CTSL: variants seen among roughly 807,000 people sequenced by gnomAD.
CTSL encodes the protein cathepsin L.
A neutral mutation model predicts 34.7 loss-of-function variants in CTSL; 23 were observed. That is an observed-to-expected ratio of 0.66 (90% CI 0.48 to 0.94). CTSL has a LOEUF of 0.94. Among genes scored for constraint, CTSL ranks in the 40% least tolerant of loss-of-function variants. The pLI, the probability that CTSL is intolerant of heterozygous loss-of-function variation, is 0.00. For synonymous variants in CTSL, 129 were observed against 136.7 expected (o/e 0.94, Z 0.39); for missense variants, 361 against 406.3 (o/e 0.89, Z 0.96).
rs1357952599 is a variant in CTSL, at chr9:87,728,799, A to G, written c.611A>G (p.Tyr204Cys). ...CTGGACTCTGAGGAATCCTATCCATATGAGGCAACAGTAAGTGGAGCTCCT... is the reference window on the plus strand; with the variant it reads ...CTGGACTCTGAGGAATCCTATCCATGTGAGGCAACAGTAAGTGGAGCTCCT... ...GGLDSEESYP[Y>C]EATEESCKYN... Residue 204 changes from tyrosine (Y) to cysteine (C), a missense_variant, in exon 5 of 8, where the codon TAT becomes TGT. Coordinates refer to ENST00000343150, the MANE Select transcript of CTSL (RefSeq NM_001912.5). 2 of 1,614,238 alleles carry G rather than the reference A, an allele frequency of 1.2e-6. No homozygotes were observed. Among genetic ancestry groups the G allele is most frequent in the Admixed American group, 1.7e-5 (1 of 60,034 alleles).
intron 4 of CTSL, 78 bp from the exon 5 acceptor site, chr9:87,728,507 A>T (rs1826126123): frequency 6.4e-7 from 1 of 1,571,392 alleles, no homozygotes; most frequent in Non-Finnish European, 8.6e-7. Flanking sequence ...TTTTAACAGT[A>T]TTCAGATGTG....
intron 6 of CTSL, among the ~76,000 whole-genome samples, chr9:87,730,121 A>G (rs1195580314): frequency 6.6e-6 from 1 of 152,180 alleles, no homozygotes; most frequent in Non-Finnish European, 1.5e-5. Flanking sequence ...ATCCTAGAGT[A>G]GAATTACAAG....
chr9:87,729,108 G>T (rs1366429918), intron 5 of CTSL: 1 of 644,758 alleles, frequency 1.6e-6, no homozygotes, highest in Non-Finnish European at 2.5e-6. Flanking sequence ...CTTGAGTGTG[G>T]GAGGTGGTTG....
intron 1 of CTSL, 68 bp downstream of exon 1, chr9:87,726,466 C>G (rs1483341896): frequency 6.6e-6 from 1 of 152,366 alleles, no homozygotes; most frequent in Non-Finnish European, 1.5e-5. Context: ...GCTCAGTCCC[C>G]GCACGCCAGA....
intron 7 of CTSL, among the ~76,000 whole-genome samples, 195 bp downstream of exon 7, chr9:87,730,693 A>C (rs3128510): frequency 0.45 from 68,099 of 152,112 alleles, 15,372 homozygotes; most frequent in Middle Eastern, 0.63. Flanking sequence ...TGAATATAGT[A>C]TTTGTTCCAT....
Position 87,731,256 on chromosome 9 carries a change from ACT to A in CTSL, c.*150_*151del. ...GATTTGAATTCTGTGATATTTTCAC[ACT>A]GGTAAATGTTACCTCTATTTTAATT... On this transcript the variant is annotated 3_prime_UTR_variant, in exon 8 of 8. Transcript: ENST00000343150. 1.8e-6 allele frequency: 1 copy of A among 541,012 alleles called. No homozygotes were observed. The highest frequency in any genetic ancestry group is 3.3e-6 in the Non-Finnish European group (1 of 301,242). 33.5% of individuals were successfully genotyped at this position (541,012 alleles called of 1,614,324 possible).
chr9:87,729,738 A>C lies in CTSL; in HGVS notation c.784+3A>C, dbSNP rs757494990. ...GTCCTTCCTGTTCTATAAAGAAGGT[A>C]AGCATATTTTTCTTTGTAGAAATTG... On this transcript the variant is annotated splice_donor_region_variant and intron_variant, in intron 6 of 7. Coordinates refer to ENST00000343150, the MANE Select transcript of CTSL (RefSeq NM_001912.5). 1 of 1,593,692 alleles carries C rather than the reference A, an allele frequency of 6.3e-7. No individual in the cohort carries two copies. Among genetic ancestry groups the C allele is most frequent in the Admixed American group, 1.8e-5 (1 of 54,994 alleles).
chr9:87,728,331 T>C lies in CTSL; in HGVS notation c.331T>C (p.Phe111Leu). 6.2e-7 allele frequency: 1 copy of C among 1,614,142 alleles called. No individual in the cohort carries two copies. Among genetic ancestry groups the C allele is most frequent in the Non-Finnish European group, 8.5e-7 (1 of 1,180,024 alleles). The part of the protein sequence containing the change: ...RKGKVFQEPL[F>L]YEAPRSVDWR... The stretch of plus-strand genomic sequence containing the variant: ...GGGGAAAGTGTTCCAGGAACCTCTG[T>C]TTTATGAGGCCCCCAGATCTGTGGA... Residue 111 changes from phenylalanine (F) to leucine (L), a missense_variant, in exon 4 of 8, where the codon TTT becomes CTT. Phe to Leu is a conservative substitution (Grantham distance 22, BLOSUM62 0). Coordinates refer to ENST00000343150, the MANE Select transcript of CTSL (RefSeq NM_001912.5).
intron 7 of CTSL, 38 bp from the exon 8 acceptor site, chr9:87,730,970 A>G (rs750702772): frequency 1.7e-5 from 27 of 1,574,172 alleles, no homozygotes; most frequent in Non-Finnish European, 2.4e-5. Context: ...TTTGGGCTTT[A>G]TTCTTTCTCT....
At chr9:87,728,536 T>G in intron 4 of CTSL, 49 bp from the exon 5 acceptor site, 1 of 1,588,342 alleles carries the variant, frequency 6.3e-7, no homozygotes, top group South Asian at 1.1e-5. Context: ...TGTCAAAGTC[T>G]TATTATTTTT....
At position 87,729,547 on chromosome 9, in the gene CTSL, C is replaced by CT. The variant is rs574226670; in HGVS notation, c.622-18dup. Reference sequence around the variant, plus strand: ...AGGAGGAGGACAGCAGTAATCAAGTCTTTTTTTTCCCTTTACCTTTGAAAG... The same window carrying CT: ...AGGAGGAGGACAGCAGTAATCAAGTCTTTTTTTTTCCCTTTACCTTTGAAAG... On this transcript the variant is annotated intron_variant, in intron 5 of 7. Transcript: ENST00000343150. 2.2e-4 allele frequency: 358 copies of CT among 1,606,598 alleles called. No individual in the cohort carries two copies. The African/African-American group carries it at 4.2e-3, about 19-fold the overall frequency.
At chr9:87,727,465 T>C (rs1826062651) in intron 1 of CTSL, 129 bp from the exon 2 acceptor site, 2 of 1,008,584 alleles carry the variant, frequency 2.0e-6, no homozygotes, top group Non-Finnish European at 1.4e-6. Flanking sequence ...TCCACAGTCC[T>C]TGGGTAAATG....
rs571538181 is a variant in CTSL, at chr9:87,730,590, C to T, written c.902+92C>T. On this transcript the variant is annotated intron_variant, in intron 7 of 7. Coordinates refer to ENST00000343150, the MANE Select transcript of CTSL (RefSeq NM_001912.5). ...GGATACAGTTCCACATGCCCTTAGG[C>T]ATACTTCTGAAATCCCCAGAAGTCT... The T allele has an allele frequency of 1.1e-4, 96 of 845,172 alleles. 1 individual carries two copies. In the South Asian group the frequency reaches 1.6e-3, roughly 14 times the overall value. The allele number at this position is 845,172 out of a possible 1,614,324, so 52.4% of individuals were successfully genotyped here. A position where few individuals can be genotyped will look rare whatever the true frequency, so the allele number is the denominator to read the frequency against.
At chr9:87,729,533 A>G in intron 5 of CTSL, 40 bp from the exon 6 acceptor site, 1 of 1,586,246 alleles carries the variant, frequency 6.3e-7, no homozygotes, top group Non-Finnish European at 8.6e-7. Context: ...GGAGGAGGAC[A>G]GCAGTAATCA....
rs781216627 is a variant in CTSL, at chr9:87,730,335, G to A, written c.785-46G>A. The A allele has an allele frequency of 9.8e-6, 13 of 1,332,534 alleles. No individual in the cohort carries two copies. In the East Asian group the frequency reaches 2.6e-4, roughly 27 times the overall value. 82.5% of individuals were successfully genotyped at this position (1,332,534 alleles called of 1,614,324 possible). On this transcript the variant is annotated intron_variant, in intron 6 of 7. Coordinates refer to ENST00000343150, the MANE Select transcript of CTSL (RefSeq NM_001912.5). ...GGGTGACAGGATGGGTTACTGTCATGTGTCCTCTGGAGCTTCTCACCCCAG... is the reference window on the plus strand; with the variant it reads ...GGGTGACAGGATGGGTTACTGTCATATGTCCTCTGGAGCTTCTCACCCCAG...
intron 5 of CTSL, among the ~76,000 whole-genome samples, 187 bp from the exon 6 acceptor site, chr9:87,729,386 T>C (rs1357367718): frequency 6.6e-6 from 1 of 152,202 alleles, no homozygotes; most frequent in African/African-American, 2.4e-5. Context: ...AGAGGTCTCA[T>C]TGAAGAGACT....
At position 87,731,101 on chromosome 9, in the gene CTSL, T is replaced by A; in HGVS notation, c.996T>A (p.Thr332=). 1 of 1,613,528 alleles carries A rather than the reference T, an allele frequency of 6.2e-7. No individual in the cohort carries two copies. The highest frequency in any genetic ancestry group is 8.5e-7 in the Non-Finnish European group (1 of 1,179,588). The stretch of plus-strand genomic sequence containing the variant: ...TTGCCTCAGCAGCCAGCTACCCCAC[T>A]GTGTGAGCTGGTGGACGGTGATGAG... The part of the protein sequence containing the change: ...CGIASAASYP[T]V Residue 332 remains threonine (T), a synonymous_variant, in exon 8 of 8, where the codon ACT becomes ACA. Transcript: ENST00000343150.
intron 5 of CTSL, among the ~76,000 whole-genome samples, chr9:87,729,201 A>C (rs1826158880): frequency 6.6e-6 from 1 of 152,182 alleles, no homozygotes; most frequent in African/African-American, 2.4e-5. Context: ...AGATGGCAGA[A>C]TATATATCTG....
intron 6 of CTSL, among the ~76,000 whole-genome samples, 189 bp downstream of exon 6, chr9:87,729,924 A>C (rs55798345): frequency 0.022 from 3,305 of 152,340 alleles, 56 homozygotes; most frequent in Non-Finnish European, 0.035. Flanking sequence ...GTATATCTCC[A>C]TGAATATAAG....
Sources: allele counts gnomAD v4.1 joint callset (sites outside exome capture counted in the v4.1 genomes callset), GRCh38; gene constraint gnomAD v4.1.1; transcripts MANE v1.5; gene names NCBI Gene and HGNC (gene_info 2026-07-23, HGNC 2026-07-21).